Variants in TRIM62 observed in about 807,000 individuals in gnomAD.
The protein encoded by TRIM62 is E3 ubiquitin-protein ligase TRIM62.
Under a neutral mutation model 44.2 loss-of-function variants are expected in TRIM62, and 39 were observed. That is an observed-to-expected ratio of 0.88 (90% CI 0.68 to 1.15). The LOEUF (loss-of-function observed/expected upper bound fraction) is 1.15, where lower values mean the gene tolerates loss of function less well. TRIM62 is among the 50% of genes most tolerant of loss of function. The probability of loss-of-function intolerance (pLI) is 0.00; values close to 1 mark genes in which losing one functional copy is unlikely to be tolerated. For missense variants in TRIM62, 544 were observed against 665.5 expected (o/e 0.82, Z 2.01); for synonymous variants, 278 against 292.3 (o/e 0.95, Z 0.50).
intron 1 of TRIM62, among the ~76,000 whole-genome samples, chr1:33,174,583 GGA>G (rs1645399041): frequency 6.6e-6 from 1 of 152,184 alleles, no homozygotes; most frequent in South Asian, 2.1e-4. Flanking sequence ...GTAGGCTGGG[GGA>G]GAGAGAGAGA....
chr1:33,181,301 C>T lies in TRIM62; in HGVS notation c.132G>A (p.Ala44=), dbSNP rs753532083. The T allele has an allele frequency of 6.4e-7, 1 of 1,554,614 alleles. No individual in the cohort carries two copies. The highest frequency in any genetic ancestry group is 1.2e-5 in the South Asian group (1 of 85,604). ...ACTCGGGGCAGTCGCGGGCGCCCTG[C>T]GCCTCCTGCCGCACCCAGTGCTCCG... The part of the protein sequence containing the change: ...CITEHWVRQE[A]QGARDCPECR... Residue 44 remains alanine (A), a synonymous_variant, in exon 1 of 5, where the codon GCG becomes GCA. Transcript: ENST00000291416. This position sits in a 1 kb window ranked among gnomAD's most constrained non-coding sequence, Gnocchi z 6.5.
Position 33,159,570 on chromosome 1 carries a change from TGAA to T in TRIM62, c.761+115_761+117del. ...TAGCAGATGTCCCGTAAATGTTTGA[TGAA>T]GATTTGAATGAAAGAATTCTCTGCT... On this transcript the variant is annotated intron_variant, in intron 3 of 4. Coordinates refer to ENST00000291416, the MANE Select transcript of TRIM62 (RefSeq NM_018207.3). The surrounding 1 kb of genome is among the most constrained non-coding windows in gnomAD (Gnocchi z 4.2). 1 of 1,383,168 alleles carries T rather than the reference TGAA, an allele frequency of 7.2e-7. No homozygotes were observed. Among genetic ancestry groups the T allele is most frequent in the Non-Finnish European group, 9.6e-7 (1 of 1,044,352 alleles). 85.7% of individuals were successfully genotyped at this position (1,383,168 alleles called of 1,614,324 possible).
At position 33,149,466 on chromosome 1, in the gene TRIM62, A is replaced by G. The variant is rs892581129; in HGVS notation, c.878-1739T>C. On this transcript the variant is annotated intron_variant, in intron 4 of 4. Coordinates refer to ENST00000291416, the MANE Select transcript of TRIM62 (RefSeq NM_018207.3). Reference sequence around the variant, plus strand: ...ACTGTGCTGGATTCTTTTAAAAAAAAAAAATACAGACAGGGTCTCACTCTG... The same window carrying G: ...ACTGTGCTGGATTCTTTTAAAAAAAGAAAATACAGACAGGGTCTCACTCTG... Among the ~76,000 whole-genome samples the G allele has an allele frequency of 1.3e-5, 2 of 150,738 alleles. 1 individual carries two copies. The highest frequency in any genetic ancestry group is 4.0e-4 in the East Asian group (2 of 5,058).
At chr1:33,160,061 C>G in intron 2 of TRIM62, 117 bp from the exon 3 acceptor site, 1 of 1,329,318 alleles carries the variant, frequency 7.5e-7, no homozygotes, top group African/African-American at 1.5e-5. Flanking sequence ...AAAGGGCACG[C>G]GTGGTGGGGG....
chr1:33,148,302 A>G (rs571253838), intron 4 of TRIM62, among the ~76,000 whole-genome samples: 2 of 152,342 alleles, frequency 1.3e-5, no homozygotes, highest in African/African-American at 4.8e-5. Flanking sequence ...AAGGATAAGA[A>G]ACTATAACCT....
rs973501493 is a variant in TRIM62, at chr1:33,167,124, G to A, written c.409-1558C>T. ...GGCCTCCACTCTCAGAGTTTCTCAC[G>A]GTGACTCCTTTGTACCATTAATTTA... On this transcript the variant is annotated intron_variant, in intron 1 of 4. Transcript: ENST00000291416. This position sits in a 1 kb window ranked among gnomAD's most constrained non-coding sequence, Gnocchi z 4.2. Among the ~76,000 whole-genome samples the A allele has an allele frequency of 2.0e-5, 3 of 152,114 alleles. No individual in the cohort carries two copies. The highest frequency in any genetic ancestry group is 2.9e-5 in the Non-Finnish European group (2 of 67,998).
At chr1:33,168,848 A>G (rs1053794829) in intron 1 of TRIM62, among the ~76,000 whole-genome samples, 1 of 152,188 alleles carries the variant, frequency 6.6e-6, no homozygotes, top group Non-Finnish European at 1.5e-5. Flanking sequence ...GGTGGCCCCC[A>G]TGGGTCCACA....
intron 4 of TRIM62, among the ~76,000 whole-genome samples, chr1:33,150,845 T>G (rs892161198): frequency 5.9e-5 from 9 of 151,994 alleles, no homozygotes; most frequent in African/African-American, 2.2e-4. Flanking sequence ...GGGATGTGGA[T>G]CACACTCAGG....
Position 33,181,128 on chromosome 1 carries a change from A to G in TRIM62, c.305T>C (p.Phe102Ser). 1 of 1,600,944 alleles carries G rather than the reference A, an allele frequency of 6.2e-7. No homozygotes were observed. Among genetic ancestry groups the G allele is most frequent in the South Asian group, 1.1e-5 (1 of 90,614 alleles). The stretch of plus-strand genomic sequence containing the variant: ...GAGAAGCGCGCGGTCCGTGAGGCAG[A>G]AGAGCTTGACCTTGTCGTGCGCCTG... ...PCQAHDKVKL[F>S]CLTDRALLCF... The change falls in exon 1 of 5, where the codon TTC becomes TCC. Residue 102 changes from phenylalanine (F) to serine (S), a missense_variant. Phe to Ser is a radical substitution (Grantham distance 155, BLOSUM62 -2). Coordinates refer to ENST00000291416, the MANE Select transcript of TRIM62 (RefSeq NM_018207.3). This position sits in a 1 kb window ranked among gnomAD's most constrained non-coding sequence, Gnocchi z 6.5.
Position 33,161,335 on chromosome 1 carries a change from G to A in TRIM62, c.505-1391C>T, listed in dbSNP as rs935616024. Among the ~76,000 whole-genome samples, 2 of 152,198 alleles carry A rather than the reference G, an allele frequency of 1.3e-5. No homozygotes were observed. Among genetic ancestry groups the A allele is most frequent in the Admixed American group, 6.5e-5 (1 of 15,282 alleles). ...GAAGGGCTTAACGTCAGGACGACAC[G>A]GGCTATAGAAGTGCGGCCAGGCTGC... On this transcript the variant is annotated intron_variant, in intron 2 of 4. Transcript: ENST00000291416. The surrounding 1 kb of genome is among the most constrained non-coding windows in gnomAD (Gnocchi z 4.3).
At chr1:33,153,396 T>C (rs919306427) in intron 4 of TRIM62, among the ~76,000 whole-genome samples, 2 of 152,210 alleles carry the variant, frequency 1.3e-5, no homozygotes, top group Admixed American at 6.5e-5. Flanking sequence ...AGAGCAGTGG[T>C]TCTCAACTGG....
At position 33,161,510 on chromosome 1, in the gene TRIM62, C is replaced by A. The variant is rs993057157; in HGVS notation, c.505-1566G>T. ...TAGGGCCTGTTCCCTCCCCGACGCG[C>A]GGCTGCTGGCCTGCAGGAAGAACTG... On this transcript the variant is annotated intron_variant, in intron 2 of 4. Coordinates refer to ENST00000291416, the MANE Select transcript of TRIM62 (RefSeq NM_018207.3). This position sits in a 1 kb window ranked among gnomAD's most constrained non-coding sequence, Gnocchi z 4.3. Among the ~76,000 whole-genome samples, 7 of 152,184 alleles carry A rather than the reference C, an allele frequency of 4.6e-5. No individual in the cohort carries two copies. The highest frequency in any genetic ancestry group is 1.4e-4 in the African/African-American group (6 of 41,456).
In TRIM62 at chr1:33,146,503, T is replaced by A. The variant is rs1570277786; in HGVS notation, c.*674A>T. On this transcript the variant is annotated 3_prime_UTR_variant, in exon 5 of 5. Coordinates refer to ENST00000291416, the MANE Select transcript of TRIM62 (RefSeq NM_018207.3). The stretch of plus-strand genomic sequence containing the variant: ...CAGCTTTGGGTATACCCTCACCCTG[T>A]CCCTCGGCCTGTGGGCAGGAAGGTG... 6 of 158,614 alleles carry A rather than the reference T, an allele frequency of 3.8e-5. No homozygotes were observed. Among genetic ancestry groups the A allele is most frequent in the Middle Eastern group, 3.3e-3 (1 of 302 alleles). The allele number at this position is 158,614 out of a possible 1,614,324, so 9.8% of individuals were successfully genotyped here.
At chr1:33,154,985 C>T (rs1358643069) in intron 4 of TRIM62, among the ~76,000 whole-genome samples, 2 of 146,260 alleles carry the variant, frequency 1.4e-5, no homozygotes, top group African/African-American at 2.5e-5. Flanking sequence ...CCCAGCTACT[C>T]GGGAGGCTGA....
chr1:33,158,399 C>G, intron 3 of TRIM62, 31 bp from the exon 4 acceptor site: 3 of 1,596,190 alleles, frequency 1.9e-6, no homozygotes, highest in Non-Finnish European at 2.6e-6. Flanking sequence ...GGGGCTGCAC[C>G]AGGGACTGGA....
In TRIM62 at chr1:33,159,626, TG is replaced by T; in HGVS notation, c.761+61del. On this transcript the variant is annotated intron_variant, in intron 3 of 4. Transcript: ENST00000291416. The surrounding 1 kb of genome is among the most constrained non-coding windows in gnomAD (Gnocchi z 4.2). ...GGATCCCATCTGCCTCCACTCCCAC[TG>T]CCCAGCATGGGTCGAGGAGGGGATG... The T allele has an allele frequency of 6.5e-7, 1 of 1,537,862 alleles. No individual in the cohort carries two copies. The highest frequency in any genetic ancestry group is 2.0e-4 in the Middle Eastern group (1 of 5,004).
Position 33,165,594 on chromosome 1 carries a change from G to T in TRIM62, c.409-28C>A. On this transcript the variant is annotated intron_variant, in intron 1 of 4. Transcript: ENST00000291416. The surrounding 1 kb of genome is among the most constrained non-coding windows in gnomAD (Gnocchi z 4.0). ...GAAACACACACAGGGCCGGGATGGG[G>T]GCAGGGGCCATGCCTGGCCCAGGCA... is the stretch of plus-strand genomic sequence containing the variant. The T allele has an allele frequency of 6.3e-7, 1 of 1,577,732 alleles. No individual in the cohort carries two copies. Among genetic ancestry groups the T allele is most frequent in the African/African-American group, 1.3e-5 (1 of 74,106 alleles).
Position 33,167,914 on chromosome 1 carries a change from C to T in TRIM62, c.409-2348G>A, listed in dbSNP as rs1645342744. Among the ~76,000 whole-genome samples the T allele has an allele frequency of 6.6e-6, 1 of 152,234 alleles. No individual in the cohort carries two copies. Among genetic ancestry groups the T allele is most frequent in the Admixed American group, 6.5e-5 (1 of 15,284 alleles). On this transcript the variant is annotated intron_variant, in intron 1 of 4. Coordinates refer to ENST00000291416, the MANE Select transcript of TRIM62 (RefSeq NM_018207.3). This position sits in a 1 kb window ranked among gnomAD's most constrained non-coding sequence, Gnocchi z 4.2. ...TTGGGCAACTATTATGTACCAGGCA[C>T]TGTTGAGGCACTGGGATTATGGCGA...
intron 4 of TRIM62, among the ~76,000 whole-genome samples, chr1:33,153,124 G>A (rs1645125949): frequency 6.6e-6 from 1 of 152,208 alleles, no homozygotes; most frequent in South Asian, 2.1e-4. Context: ...CCAATAGGAA[G>A]CCTGAGCTGG....
Sources: gnomAD v4.1 joint callset for allele counts (sites outside exome capture counted in the v4.1 genomes callset) on GRCh38, gnomAD v4.1.1 for gene constraint, Gnocchi (gnomAD v3.1) non-coding constraint, MANE v1.5 for transcripts, NCBI Gene and HGNC (gene_info 2026-07-23, HGNC 2026-07-21) for gene names.